The following AGAP1 variants were observed in gnomAD, a reference collection of about 807,000 sequenced individuals.
The protein encoded by AGAP1 is arf-GAP with GTPase, ANK repeat and PH domain-containing protein 1.
A neutral mutation model predicts 105.3 loss-of-function variants in AGAP1; 29 were observed. The ratio of observed to expected loss-of-function variants is 0.28; its 90% CI spans 0.21 to 0.38. AGAP1 has a LOEUF of 0.38. Among genes scored for constraint, AGAP1 ranks in the 10% least tolerant of loss-of-function variants. The probability of loss-of-function intolerance (pLI) is 1.00; values close to 1 mark genes in which losing one functional copy is unlikely to be tolerated. For synonymous variants in AGAP1, 509 were observed against 485.9 expected (o/e 1.05, Z -0.63); for missense variants, 998 against 1,165.1 (o/e 0.86, Z 2.09).
At chr2:235,852,225 T>C (rs938848218) in intron 9 of AGAP1, among the ~76,000 whole-genome samples, 10 of 152,200 alleles carry the variant, frequency 6.6e-5, no homozygotes, top group African/African-American at 2.4e-4. Flanking sequence ...ATTACCCAAT[T>C]TGAGCACCCA....
intron 12 of AGAP1, among the ~76,000 whole-genome samples, chr2:235,938,656 C>T (rs370173671): frequency 1.3e-5 from 2 of 152,210 alleles, no homozygotes; most frequent in South Asian, 2.1e-4. Context: ...TCAAGACTTA[C>T]ATTCTGCACT....
intron 1 of AGAP1, among the ~76,000 whole-genome samples, chr2:235,676,056 A>G (rs1341471385): frequency 6.6e-6 from 1 of 152,222 alleles, no homozygotes; most frequent in Non-Finnish European, 1.5e-5. Context: ...GCATTAACAA[A>G]CATATATTGC....
chr2:235,954,239 CAAAAA>C (rs34138034), intron 12 of AGAP1, among the ~76,000 whole-genome samples: 1 of 128,152 alleles, frequency 7.8e-6, no homozygotes, highest in African/African-American at 2.8e-5. Context: ...ACTCTGCCTC[CAAAAA>C]AAAAAAAAAA....
intron 16 of AGAP1, among the ~76,000 whole-genome samples, chr2:236,110,612 A>G (rs7557498): frequency 0.37 from 56,545 of 152,036 alleles, 11,530 homozygotes; most frequent in Middle Eastern, 0.54. Flanking sequence ...CAAATACTTG[A>G]TAAGCATTGG....
chr2:236,010,709 G>A (rs1402019245), intron 13 of AGAP1, among the ~76,000 whole-genome samples: 2 of 152,054 alleles, frequency 1.3e-5, no homozygotes, highest in East Asian at 3.9e-4. Flanking sequence ...TAACGCCTTC[G>A]GTGTTCCTCA....
chr2:235,872,759 G>A lies in AGAP1; in HGVS notation c.1051-10586G>A, dbSNP rs961149734. Among the ~76,000 whole-genome samples, 1 of 152,168 alleles carries A rather than the reference G, an allele frequency of 6.6e-6. No individual in the cohort carries two copies. The highest frequency in any genetic ancestry group is 1.5e-5 in the Non-Finnish European group (1 of 68,030). On this transcript the variant is annotated intron_variant, in intron 9 of 17. Transcript: ENST00000304032. The surrounding 1 kb of genome is among the most constrained non-coding windows in gnomAD (Gnocchi z 4.5). ...CCACTTCCTCCCTAAGGAAAGCGAC[G>A]GGCCCCCTGTCTTCCCCGATTGGTT...
At chr2:235,771,140 C>T (rs534259021) in intron 6 of AGAP1, among the ~76,000 whole-genome samples, 2 of 152,318 alleles carry the variant, frequency 1.3e-5, no homozygotes, top group African/African-American at 4.8e-5. Context: ...GCCCCCAGCA[C>T]CTTGTCAGCC....
intron 3 of AGAP1, among the ~76,000 whole-genome samples, chr2:235,718,656 G>A (rs948758903): frequency 3.0e-4 from 45 of 152,114 alleles, no homozygotes; most frequent in Admixed American, 3.3e-4. Context: ...GGAACCGTTC[G>A]GAGAAGTATA....
In AGAP1 at chr2:235,994,344, G is replaced by T. The variant is rs868512029; in HGVS notation, c.1645+25721G>T. Among the ~76,000 whole-genome samples, 8 of 152,068 alleles carry T rather than the reference G, an allele frequency of 5.3e-5. No homozygotes were observed. Among genetic ancestry groups the T allele is most frequent in the African/African-American group, 1.7e-4 (7 of 41,418 alleles). ...TTTAGGGGTGTTCCCTGTCATTTTC[G>T]TGCTGTGCAATAGTTGATGAAGATA... On this transcript the variant is annotated intron_variant, in intron 13 of 17. Transcript: ENST00000304032. This position sits in a 1 kb window ranked among gnomAD's most constrained non-coding sequence, Gnocchi z 4.4.
At chr2:235,506,652 C>T (rs914743419) in intron 1 of AGAP1, among the ~76,000 whole-genome samples, 1 of 152,026 alleles carries the variant, frequency 6.6e-6, no homozygotes, top group Non-Finnish European at 1.5e-5. Context: ...AATAGGATGC[C>T]ACTGGGAACA....
At chr2:235,495,458 C>T (rs1450365895) in intron 1 of AGAP1, among the ~76,000 whole-genome samples, 1 of 152,216 alleles carries the variant, frequency 6.6e-6, no homozygotes, top group Non-Finnish European at 1.5e-5. Context: ...ACCAAAAGTC[C>T]GGGGTTGGAT....
At chr2:235,686,679 T>TTC (rs1447288500) in intron 1 of AGAP1, among the ~76,000 whole-genome samples, 33 of 132,348 alleles carry the variant, frequency 2.5e-4, no homozygotes, top group South Asian at 4.6e-4. Context: ...TTTTTTTTTT[T>TTC]TAGACAGAGT....
chr2:235,943,635 T>TCAC (rs1333904062), intron 12 of AGAP1, among the ~76,000 whole-genome samples: 2 of 151,974 alleles, frequency 1.3e-5, no homozygotes, highest in African/African-American at 4.8e-5. Flanking sequence ...CAGGCATGAG[T>TCAC]CACCATGCCT....
At position 235,610,474 on chromosome 2, in the gene AGAP1, C is replaced by T. The variant is rs1449586508; in HGVS notation, c.164-98705C>T. ...TGACTTCTAGATGTCTGCCTTCTTG[C>T]TATCCTCACGTGGTGCAGAGCATGC... On this transcript the variant is annotated intron_variant, in intron 1 of 17. Coordinates refer to ENST00000304032, the MANE Select transcript of AGAP1 (RefSeq NM_001037131.3). The surrounding 1 kb of genome is among the most constrained non-coding windows in gnomAD (Gnocchi z 4.9). Among the ~76,000 whole-genome samples the T allele has an allele frequency of 6.6e-6, 1 of 152,144 alleles. No individual in the cohort carries two copies. Among genetic ancestry groups the T allele is most frequent in the Non-Finnish European group, 1.5e-5 (1 of 68,026 alleles).
chr2:235,700,704 G>A lies in AGAP1; in HGVS notation c.164-8475G>A, dbSNP rs373206356. ...AGTCCCAGCTACTCAAGAGACTGAGGCGGGAGAATCACTTGAACCCTGGAG... is the reference window on the plus strand; with the variant it reads ...AGTCCCAGCTACTCAAGAGACTGAGACGGGAGAATCACTTGAACCCTGGAG... On this transcript the variant is annotated intron_variant, in intron 1 of 17. Coordinates refer to ENST00000304032, the MANE Select transcript of AGAP1 (RefSeq NM_001037131.3). The surrounding 1 kb of genome is among the most constrained non-coding windows in gnomAD (Gnocchi z 6.1). Among the ~76,000 whole-genome samples the A allele has an allele frequency of 8.5e-5, 13 of 152,090 alleles. No homozygotes were observed. In the East Asian group the frequency reaches 2.3e-3, roughly 27 times the overall value.
Position 235,872,059 on chromosome 2 carries a change from A to G in AGAP1, c.1051-11286A>G, listed in dbSNP as rs1472814316. 6.6e-6 allele frequency among the ~76,000 whole-genome samples: 1 copy of G among 152,156 alleles called. No homozygotes were observed. Among genetic ancestry groups the G allele is most frequent in the African/African-American group, 2.4e-5 (1 of 41,414 alleles). On this transcript the variant is annotated intron_variant, in intron 9 of 17. Transcript: ENST00000304032. The surrounding 1 kb of genome is among the most constrained non-coding windows in gnomAD (Gnocchi z 4.5). ...TGGATATCAGTTGTGATTGCAGTTG[A>G]TGAAATATGCAGTTGTGAATACTGA...
At chr2:235,802,709 ATGATGGTTGTGGTTG>A (rs1957559239) in intron 8 of AGAP1, among the ~76,000 whole-genome samples, 1 of 104,920 alleles carries the variant, frequency 9.5e-6, no homozygotes, top group African/African-American at 4.0e-5. Context: ...GGTTGTGATA[ATGATGGTTGTGGTTG>A]TGATGGTGAT....
chr2:236,049,874 T>A (rs2057844820), intron 16 of AGAP1: 1 of 152,588 alleles, frequency 6.6e-6, no homozygotes, highest in African/African-American at 2.4e-5. Context: ...TTACAGCTAT[T>A]ATAAACTGTT....
In AGAP1 at chr2:235,608,137, G is replaced by C. The variant is rs1946008877; in HGVS notation, c.164-101042G>C. 6.8e-6 allele frequency among the ~76,000 whole-genome samples: 1 copy of C among 146,948 alleles called. No individual in the cohort carries two copies. Among genetic ancestry groups the C allele is most frequent in the African/African-American group, 2.5e-5 (1 of 40,386 alleles). On this transcript the variant is annotated intron_variant, in intron 1 of 17. Transcript: ENST00000304032. This position sits in a 1 kb window ranked among gnomAD's most constrained non-coding sequence, Gnocchi z 5.4. ...TTAGCTTTGCCCACTTTTCATTTTT[G>C]GCTTCACAGAGTGATGCCTCTGGAG...
Sources: allele counts gnomAD v4.1 joint callset (sites outside exome capture counted in the v4.1 genomes callset), GRCh38; gene constraint gnomAD v4.1.1; non-coding constraint Gnocchi (gnomAD v3.1); transcripts MANE v1.5; gene names NCBI Gene and HGNC (gene_info 2026-07-23, HGNC 2026-07-21).